C1orf185: variants seen among roughly 807,000 people sequenced by gnomAD.
The protein encoded by C1orf185 is uncharacterized protein C1orf185.
Under a neutral mutation model 16.1 loss-of-function variants are expected in C1orf185, and 13 were observed. That is an observed-to-expected ratio of 0.81 (90% CI 0.53 to 1.28). The LOEUF (loss-of-function observed/expected upper bound fraction) is 1.28, where lower values mean the gene tolerates loss of function less well. Ranked by LOEUF, C1orf185 falls within the 50% of genes most tolerant of loss-of-function variation. The pLI is 0.00. For missense variants in C1orf185, 220 were observed against 225.2 expected, an observed-to-expected ratio of 0.98 and a Z score of 0.15; for synonymous variants, 80 against 76.9, an observed-to-expected ratio of 1.04 and a Z score of -0.21.
intron 3 of C1orf185, among the ~76,000 whole-genome samples, chr1:51,133,790 G>A (rs751979645): frequency 2.6e-5 from 4 of 152,168 alleles, no homozygotes; most frequent in African/African-American, 7.2e-5. Flanking sequence ...CTCTAAAATC[G>A]ATTACATAAT....
intron 4 of C1orf185, 110 bp from the exon 5 acceptor site, chr1:51,147,357 T>C (rs1176314945): frequency 2.1e-5 from 20 of 962,334 alleles, no homozygotes; most frequent in Non-Finnish European, 3.0e-5. Flanking sequence ...GTGTGGATGA[T>C]AGCAACTCAG....
intron 2 of C1orf185, among the ~76,000 whole-genome samples, chr1:51,117,083 G>T (rs1351747992): frequency 6.6e-6 from 1 of 152,160 alleles, no homozygotes; most frequent in Admixed American, 6.5e-5. Context: ...CTCGATGGAA[G>T]CAATGAGAGT....
intron 1 of C1orf185, among the ~76,000 whole-genome samples, chr1:51,103,410 A>ACACACACACAC (rs1646046393): frequency 7.8e-5 from 10 of 128,890 alleles, no homozygotes; most frequent in African/African-American, 1.5e-4. Flanking sequence ...TGTCTCGAAA[A>ACACACACACAC]ACACACACAC....
intron 3 of C1orf185, among the ~76,000 whole-genome samples, chr1:51,124,209 GT>G (rs1191038392): frequency 6.6e-6 from 1 of 151,110 alleles, no homozygotes; most frequent in Non-Finnish European, 1.5e-5. Context: ...AGCCTCCCAA[GT>G]TGCTGGGACT....
chr1:51,115,544 G>A (rs192381409), intron 2 of C1orf185, among the ~76,000 whole-genome samples: 1 of 152,246 alleles, frequency 6.6e-6, no homozygotes, highest in East Asian at 1.9e-4. Flanking sequence ...TAAAGTACAA[G>A]TACTTTCACT....
chr1:51,120,854 C>G (rs1245271595), intron 3 of C1orf185, among the ~76,000 whole-genome samples: 1 of 152,104 alleles, frequency 6.6e-6, no homozygotes, highest in Non-Finnish European at 1.5e-5. Flanking sequence ...TATTAGGTCA[C>G]TGGGAATTTG....
chr1:51,147,791 A>ATT lies in C1orf185; in HGVS notation c.*21_*22dup. 1 of 1,462,714 alleles carries ATT rather than the reference A, an allele frequency of 6.8e-7. No individual in the cohort carries two copies. 90.6% of individuals were successfully genotyped at this position (1,462,714 alleles called of 1,614,324 possible). On this transcript the variant is annotated 3_prime_UTR_variant, in exon 5 of 5. Coordinates refer to ENST00000371759, the MANE Select transcript of C1orf185 (RefSeq NM_001136508.2). Reference sequence around the variant, plus strand: ...TTATGACCATCAAAAAGATGACTACATTAAGGGAAAATGTTCATGAAGAAA... The same window carrying ATT: ...TTATGACCATCAAAAAGATGACTACATTTTAAGGGAAAATGTTCATGAAGAAA...
intron 2 of C1orf185, among the ~76,000 whole-genome samples, chr1:51,112,810 T>C (rs1379141434): frequency 1.4e-5 from 2 of 147,406 alleles, no homozygotes; most frequent in African/African-American, 5.4e-5. Flanking sequence ...AGACCTACTT[T>C]CTTTTCTTTT....
downstream of C1orf185, among the ~76,000 whole-genome samples, chr1:51,151,001 A>G (rs1646427372): frequency 6.6e-6 from 1 of 152,214 alleles, no homozygotes; most frequent in South Asian, 2.1e-4. Flanking sequence ...CCTTGAAAAG[A>G]TAGTTTGGAA....
At chr1:51,143,142 G>C (rs750538129) in intron 3 of C1orf185, among the ~76,000 whole-genome samples, 12 of 151,936 alleles carry the variant, frequency 7.9e-5, no homozygotes, top group Non-Finnish European at 1.5e-4. Flanking sequence ...TTGCCACACT[G>C]TATTATTTCT....
At chr1:51,141,567 G>C (rs1038736065) in intron 3 of C1orf185, among the ~76,000 whole-genome samples, 2 of 152,182 alleles carry the variant, frequency 1.3e-5, no homozygotes, top group Non-Finnish European at 2.9e-5. Context: ...GCACTAGTCA[G>C]TGTGGTAGAA....
At chr1:51,121,094 G>A (rs1472765892) in intron 3 of C1orf185, among the ~76,000 whole-genome samples, 1 of 152,086 alleles carries the variant, frequency 6.6e-6, no homozygotes, top group African/African-American at 2.4e-5. Flanking sequence ...TCACATACTT[G>A]TCATTTTTTG....
intron 3 of C1orf185, among the ~76,000 whole-genome samples, chr1:51,122,372 G>A (rs534599761): frequency 6.6e-6 from 1 of 152,166 alleles, no homozygotes; most frequent in South Asian, 2.1e-4. Context: ...AACAATCTTG[G>A]CATTTTCAGG....
At chr1:51,102,535 G>A (rs1007059629) in intron 1 of C1orf185, among the ~76,000 whole-genome samples, 8 of 151,888 alleles carry the variant, frequency 5.3e-5, no homozygotes, top group Non-Finnish European at 1.2e-4. Flanking sequence ...ATATTATTTT[G>A]TATAAGTTTT....
chr1:51,126,105 T>C (rs535376126), intron 3 of C1orf185, among the ~76,000 whole-genome samples: 66 of 152,326 alleles, frequency 4.3e-4, no homozygotes, highest in Non-Finnish European at 6.9e-4. Flanking sequence ...TGGTCAGCTC[T>C]GGGTCACATA....
chr1:51,145,776 A>G lies in C1orf185; in HGVS notation c.295+16A>G. Reference sequence around the variant, plus strand: ...CATATAAAAGGTATTTTTTCTCAATAATTTATTAGAAGAAATCTTAATGAA... The same window carrying G: ...CATATAAAAGGTATTTTTTCTCAATGATTTATTAGAAGAAATCTTAATGAA... On this transcript the variant is annotated intron_variant, in intron 4 of 4. Coordinates refer to ENST00000371759, the MANE Select transcript of C1orf185 (RefSeq NM_001136508.2). The G allele has an allele frequency of 7.9e-7, 1 of 1,258,176 alleles. No homozygotes were observed. The highest frequency in any genetic ancestry group is 2.7e-5 in the Admixed American group (1 of 36,796). 77.9% of individuals were successfully genotyped at this position (1,258,176 alleles called of 1,614,324 possible). A position where few individuals can be genotyped will look rare whatever the true frequency, so the allele number is the denominator to read the frequency against.
intron 4 of C1orf185, among the ~76,000 whole-genome samples, chr1:51,146,048 G>A (rs1646396988): frequency 6.6e-6 from 1 of 152,154 alleles, no homozygotes; most frequent in African/African-American, 2.4e-5. Context: ...ATAAAAAGAT[G>A]TTGCATATTA....
chr1:51,137,413 A>G (rs911636037), intron 3 of C1orf185, among the ~76,000 whole-genome samples: 1 of 152,210 alleles, frequency 6.6e-6, no homozygotes, highest in African/African-American at 2.4e-5. Flanking sequence ...GCACACCTGT[A>G]ATTCCAGCTA....
chr1:51,144,995 T>A (rs1646389427), intron 3 of C1orf185, among the ~76,000 whole-genome samples: 1 of 152,138 alleles, frequency 6.6e-6, no homozygotes, highest in Non-Finnish European at 1.5e-5. Flanking sequence ...AGAATCTGTT[T>A]CAGTAGGGTC....
Sources: gnomAD v4.1 joint callset for allele counts (sites outside exome capture counted in the v4.1 genomes callset) on GRCh38, gnomAD v4.1.1 for gene constraint, MANE v1.5 for transcripts, NCBI Gene and HGNC (gene_info 2026-07-23, HGNC 2026-07-21) for gene names.